SLC13A1: variants seen among roughly 807,000 people sequenced by gnomAD.
SLC13A1 encodes the protein solute carrier family 13 member 1.
SLC13A1 carries 65 observed loss-of-function variants against 70.0 expected under a neutral mutation model. That is an observed-to-expected ratio of 0.93 (90% CI 0.76 to 1.14). The LOEUF is 1.14. Among genes scored for constraint, SLC13A1 ranks in the 50% most tolerant of loss-of-function variants. The pLI is 0.00. For missense variants in SLC13A1, 726 were observed against 717.8 expected, an observed-to-expected ratio of 1.01 and a Z score of -0.13; for synonymous variants, 275 against 250.5, an observed-to-expected ratio of 1.10 and a Z score of -0.92.
chr7:123,134,321 G>A, intron 8 of SLC13A1, 89 bp downstream of exon 8: 1 of 1,228,010 alleles, frequency 8.1e-7, no homozygotes, highest in Non-Finnish European at 1.1e-6. Context: ...TAGCCTGCAT[G>A]GCATAGGGGA....
intron 1 of SLC13A1, among the ~76,000 whole-genome samples, chr7:123,193,356 G>A (rs1403301478): frequency 2.0e-5 from 3 of 151,698 alleles, no homozygotes; most frequent in Non-Finnish European, 2.9e-5. Context: ...AGTCACTTGG[G>A]GAATGTTTCA....
At position 123,140,874 on chromosome 7, in the gene SLC13A1, G is replaced by T. The variant is rs1471990089; in HGVS notation, c.812+6285C>A. On this transcript the variant is annotated intron_variant, in intron 7 of 14. Transcript: ENST00000194130. ...TGTTTAACTTTTTAAAAAAAGAAAA[G>T]TTTTCATTGATTTTTTTGGTATTGT... 2.0e-5 allele frequency among the ~76,000 whole-genome samples: 3 copies of T among 151,786 alleles called. No homozygotes were observed. In the East Asian group the frequency reaches 5.8e-4, roughly 29 times the overall value.
At chr7:123,164,533 G>C (rs1795010441) in intron 6 of SLC13A1, among the ~76,000 whole-genome samples, 1 of 151,188 alleles carries the variant, frequency 6.6e-6, no homozygotes, top group South Asian at 2.1e-4. Flanking sequence ...TTATTTTATT[G>C]CAGGAACATA....
At chr7:123,186,098 C>T (rs977285310) in intron 1 of SLC13A1, among the ~76,000 whole-genome samples, 4 of 151,930 alleles carry the variant, frequency 2.6e-5, no homozygotes, top group African/African-American at 9.7e-5. Context: ...TCAAACACAA[C>T]ACCAAGTATT....
Position 123,125,674 on chromosome 7 carries a change from A to G in SLC13A1, c.1135T>C (p.Tyr379His). Residue 379 changes from tyrosine to histidine, a missense_variant and splice_region_variant, in exon 11 of 15, where the codon TAC becomes CAC. Physicochemically the swap from Tyr to His is moderately conservative, Grantham distance 83. Coordinates refer to ENST00000194130, the MANE Select transcript of SLC13A1 (RefSeq NM_022444.4). ...VPGWSALFSE[Y>H]PGFATDSTVA... is the part of the protein sequence containing the mutation. The stretch of plus-strand genomic sequence containing the variant: ...GTTGAATCTGTAGCAAAACCAGGGT[A>G]CCTGTAAAAGGGACAAATACATGTA... 6.2e-7 allele frequency: 1 copy of G among 1,608,384 alleles called. No homozygotes were observed. The highest frequency in any genetic ancestry group is 8.5e-7 in the Non-Finnish European group (1 of 1,176,544).
intron 10 of SLC13A1, among the ~76,000 whole-genome samples, chr7:123,126,018 A>C (rs930979343): frequency 3.3e-5 from 5 of 152,188 alleles, no homozygotes; most frequent in African/African-American, 1.2e-4. Context: ...TATTTAATTT[A>C]ATAATATTGA....
At chr7:123,157,513 T>C (rs769538556) in intron 6 of SLC13A1, among the ~76,000 whole-genome samples, 8 of 152,140 alleles carry the variant, frequency 5.3e-5, no homozygotes, top group Non-Finnish European at 8.8e-5. Context: ...TAAAAAATTT[T>C]ATTGCCCTAA....
chr7:123,129,185 A>G (rs1563320840), intron 9 of SLC13A1, among the ~76,000 whole-genome samples, 198 bp downstream of exon 9: 1 of 152,086 alleles, frequency 6.6e-6, no homozygotes, highest in Non-Finnish European at 1.5e-5. Flanking sequence ...GTGTTTTATC[A>G]TGTTGAGTTA....
At chr7:123,153,828 C>CA (rs1477965115) in intron 6 of SLC13A1, among the ~76,000 whole-genome samples, 1 of 151,724 alleles carries the variant, frequency 6.6e-6, no homozygotes, top group Non-Finnish European at 1.5e-5. Flanking sequence ...AATTTTAAAA[C>CA]AAAAAATATT....
chr7:123,117,367 CT>C, intron 14 of SLC13A1, 103 bp downstream of exon 14: 1 of 1,180,584 alleles, frequency 8.5e-7, no homozygotes, highest in Non-Finnish European at 1.2e-6. Context: ...TCAGGCCCTG[CT>C]TTTCCTGGTG....
At chr7:123,153,376 C>A (rs1032290567) in intron 6 of SLC13A1, among the ~76,000 whole-genome samples, 11 of 151,932 alleles carry the variant, frequency 7.2e-5, no homozygotes, top group Admixed American at 2.6e-4. Context: ...TATCATAATG[C>A]AAATTAAAGG....
intron 6 of SLC13A1, among the ~76,000 whole-genome samples, chr7:123,154,537 A>C (rs1208670435): frequency 6.6e-6 from 1 of 152,102 alleles, no homozygotes; most frequent in African/African-American, 2.4e-5. Flanking sequence ...CTCTGTCATA[A>C]TGTTGCTTAT....
intron 6 of SLC13A1, among the ~76,000 whole-genome samples, chr7:123,164,041 TA>T (rs1187203200): frequency 6.6e-6 from 1 of 151,890 alleles, no homozygotes; most frequent in African/African-American, 2.4e-5. Flanking sequence ...ACAAAATAAA[TA>T]AAAATTAAGC....
At chr7:123,149,093 G>C (rs1794464920) in intron 6 of SLC13A1, among the ~76,000 whole-genome samples, 1 of 152,098 alleles carries the variant, frequency 6.6e-6, no homozygotes, top group Non-Finnish European at 1.5e-5. Context: ...TCTTCTGCCT[G>C]GTGACGTATG....
At chr7:123,166,760 A>G (rs1392520217) in intron 6 of SLC13A1, among the ~76,000 whole-genome samples, 1 of 152,156 alleles carries the variant, frequency 6.6e-6, no homozygotes, top group Non-Finnish European at 1.5e-5. Context: ...CATGGTGTAC[A>G]TGTGCCACAT....
chr7:123,178,152 C>T (rs192726101), intron 2 of SLC13A1, among the ~76,000 whole-genome samples: 5 of 152,040 alleles, frequency 3.3e-5, no homozygotes, highest in Admixed American at 6.6e-5. Context: ...ATTGAACATA[C>T]TCTAAATACT....
At chr7:123,116,303 T>G (rs1403820855) in intron 14 of SLC13A1, among the ~76,000 whole-genome samples, 1 of 152,230 alleles carries the variant, frequency 6.6e-6, no homozygotes, top group East Asian at 1.9e-4. Flanking sequence ...ATTACTGCCC[T>G]TGATTTGTTT....
chr7:123,144,801 A>G (rs1405586790), intron 7 of SLC13A1, among the ~76,000 whole-genome samples: 1 of 152,190 alleles, frequency 6.6e-6, no homozygotes, highest in East Asian at 1.9e-4. Flanking sequence ...TGTTATATGC[A>G]ACTTATGCCC....
chr7:123,198,539 T>C (rs1563362286), intron 1 of SLC13A1, among the ~76,000 whole-genome samples: 1 of 151,894 alleles, frequency 6.6e-6, no homozygotes, highest in Non-Finnish European at 1.5e-5. Flanking sequence ...AGCTAGAAGA[T>C]TGCACCTGGT....
Sources: allele counts gnomAD v4.1 joint callset (sites outside exome capture counted in the v4.1 genomes callset), GRCh38; gene constraint gnomAD v4.1.1; transcripts MANE v1.5; gene names NCBI Gene and HGNC (gene_info 2026-07-23, HGNC 2026-07-21).